The following STRA6 variants were observed in gnomAD, a reference collection of about 807,000 sequenced individuals.
STRA6 encodes receptor for retinol uptake STRA6.
Under a neutral mutation model 83.6 loss-of-function variants are expected in STRA6, and 48 were observed. That is an observed-to-expected ratio of 0.57 (90% CI 0.46 to 0.73). STRA6 has a LOEUF of 0.73. Ranked by LOEUF, STRA6 falls within the 30% of genes least tolerant of loss-of-function variation. The pLI, the probability that STRA6 is intolerant of heterozygous loss-of-function variation, is 0.00. For synonymous variants in STRA6, 353 were observed against 362.3 expected, an observed-to-expected ratio of 0.97 and a Z score of 0.29; for missense variants, 760 against 838.8, an observed-to-expected ratio of 0.91 and a Z score of 1.16.
chr15:74,194,476 C>T, intron 7 of STRA6: 1 of 711,520 alleles, frequency 1.4e-6, no homozygotes, highest in Non-Finnish European at 1.8e-6. Context: ...CCTCTCAAAG[C>T]AACCTCTTAG....
intron 12 of STRA6, among the ~76,000 whole-genome samples, chr15:74,185,623 C>T (rs993555927): frequency 6.6e-6 from 1 of 152,216 alleles, no homozygotes; most frequent in South Asian, 2.1e-4. Flanking sequence ...TCTCCCTGGC[C>T]ATGCACACAA....
At chr15:74,184,241 A>G (rs1298950714) in intron 13 of STRA6, among the ~76,000 whole-genome samples, 1 of 152,262 alleles carries the variant, frequency 6.6e-6, no homozygotes, top group Non-Finnish European at 1.5e-5. Flanking sequence ...GCCAAGTCAG[A>G]AAAGTGAGAA....
Position 74,193,939 on chromosome 15 carries a change from CCAGA to C in STRA6, c.598-21_598-18del, listed in dbSNP as rs760603598. 2.4e-5 allele frequency: 39 copies of C among 1,611,926 alleles called. No individual in the cohort carries two copies. In the South Asian group the frequency reaches 4.1e-4, roughly 17 times the overall value. Reference sequence around the variant, plus strand: ...CTTGTAGATCTGGACAGACAAACACCCAGACAGACTACTTTCCACCTTCTTCCCC... The same window carrying C: ...CTTGTAGATCTGGACAGACAAACACCCAGACTACTTTCCACCTTCTTCCCC... On this transcript the variant is annotated intron_variant, in intron 7 of 18. Transcript: ENST00000395105.
intron 16 of STRA6, 31 bp from the exon 17 acceptor site, chr15:74,181,489 C>G: frequency 1.2e-6 from 2 of 1,609,706 alleles, no homozygotes; most frequent in East Asian, 2.2e-5. Context: ...TGAGGCAGGC[C>G]GTTCCCCAGA....
chr15:74,183,546 G>T lies in STRA6; in HGVS notation c.1300+310C>A, dbSNP rs867986695. On this transcript the variant is annotated intron_variant, in intron 14 of 18. Coordinates refer to ENST00000395105, the MANE Select transcript of STRA6 (RefSeq NM_022369.4). ...GGTGTGAGCCACTGAGCCCAGCCAG[G>T]AATGTACCATTTTGAATTTGACACC... 9.8e-6 allele frequency: 12 copies of T among 1,226,122 alleles called. No individual in the cohort carries two copies. In the Middle Eastern group the frequency reaches 2.1e-3, roughly 216 times the overall value. 76.0% of individuals were successfully genotyped at this position (1,226,122 alleles called of 1,614,324 possible).
chr15:74,209,292 C>T, upstream of STRA6: 1 of 1,389,790 alleles, frequency 7.2e-7, no homozygotes, highest in Admixed American at 2.0e-5. Context: ...GAGAAGCCTG[C>T]ACAGGGCTTT....
chr15:74,184,265 T>G (rs2073133579), intron 13 of STRA6, among the ~76,000 whole-genome samples: 1 of 152,106 alleles, frequency 6.6e-6, no homozygotes, highest in South Asian at 2.1e-4. Context: ...ACAGTGAGAA[T>G]GGAAGTGACA....
chr15:74,203,458 G>A (rs2074174599), upstream of STRA6, among the ~76,000 whole-genome samples: 1 of 152,234 alleles, frequency 6.6e-6, no homozygotes, highest in African/African-American at 2.4e-5. Context: ...GGCAGAAGAA[G>A]GTAGAAAGCA....
In STRA6 at chr15:74,190,889, G is replaced by A. The variant is rs118203958; in HGVS notation, c.878C>T (p.Pro293Leu). 9 of 1,613,930 alleles carry A rather than the reference G, an allele frequency of 5.6e-6. No individual in the cohort carries two copies. Among genetic ancestry groups the A allele is most frequent in the South Asian group, 1.1e-5 (1 of 91,074 alleles). ...TGTAGCTGAAAGCACCAGCTTCAGC[G>A]GGAGATGGAATCCTGTAGTCCTCAA... ...IYTPQPGFHL[P>L]LKLVLSATLT... The change falls in exon 11 of 19, where the codon CCG becomes CTG. Residue 293 changes from proline to leucine, a missense_variant. By Grantham distance (98) the Pro-to-Leu change is moderately conservative (BLOSUM62 -3). Transcript: ENST00000395105.
rs2072888506 is a variant in STRA6 at position 74,179,880 on chromosome 15, C to T, written c.*200G>A. The T allele has an allele frequency of 3.0e-6, 2 of 669,630 alleles. No individual in the cohort carries two copies. Among genetic ancestry groups the T allele is most frequent in the Non-Finnish European group, 2.5e-6 (1 of 407,124 alleles). The allele number at this position is 669,630 out of a possible 1,614,324, so 41.5% of individuals were successfully genotyped here. A position where few individuals can be genotyped will look rare whatever the true frequency, so the allele number is the denominator to read the frequency against. On this transcript the variant is annotated 3_prime_UTR_variant, in exon 19 of 19. Transcript: ENST00000395105. ...TTTCTTTCTCCAGAACCCCTGCTGGCTCTCCCATAGCCAAGTGGGTGGAGC... is the reference window on the plus strand; with the variant it reads ...TTTCTTTCTCCAGAACCCCTGCTGGTTCTCCCATAGCCAAGTGGGTGGAGC...
In STRA6 at chr15:74,196,122, T is replaced by C. The variant is rs2073808447; in HGVS notation, c.292A>G (p.Arg98Gly). ...PSPVDFLAGD[R>G]PRAVPAAVFM... The stretch of plus-strand genomic sequence containing the variant: ...ACAGCAGCAGGCACTGCCCGGGGCC[T>C]GTCCCCAGCCAAGAAATCCACAGGG... The change falls in exon 5 of 19, where the codon AGG becomes GGG. Residue 98 changes from arginine (R) to glycine (G), a missense_variant. Arg to Gly is a moderately radical substitution (Grantham distance 125). Transcript: ENST00000395105. 6.2e-7 allele frequency: 1 copy of C among 1,613,928 alleles called. No homozygotes were observed.
rs572489515 is a variant in STRA6, at chr15:74,190,893, G to A, written c.874C>T (p.Leu292Phe). 6.2e-7 allele frequency: 1 copy of A among 1,614,110 alleles called. No individual in the cohort carries two copies. The highest frequency in any genetic ancestry group is 2.2e-5 in the East Asian group (1 of 44,884). The change falls in exon 11 of 19, where the codon CTC (leucine) becomes TTC (phenylalanine). Residue 292 changes from leucine (L) to phenylalanine (F), a missense_variant. Leu to Phe is a conservative substitution (Grantham distance 22, BLOSUM62 0). Coordinates refer to ENST00000395105, the MANE Select transcript of STRA6 (RefSeq NM_022369.4). Reference protein sequence around the residue: ...CIYTPQPGFHLPLKLVLSATL... With the variant: ...CIYTPQPGFHFPLKLVLSATL... ...GCTGAAAGCACCAGCTTCAGCGGGAGATGGAATCCTGTAGTCCTCAAAGGA... is the reference window on the plus strand; with the variant it reads ...GCTGAAAGCACCAGCTTCAGCGGGAAATGGAATCCTGTAGTCCTCAAAGGA...
chr15:74,209,526 G>C, upstream of STRA6: 1 of 1,273,190 alleles, frequency 7.9e-7, no homozygotes, highest in South Asian at 1.4e-5. Flanking sequence ...TTCAGGGCTG[G>C]AATTCCAGGT....
In STRA6 at chr15:74,181,301, C is replaced by G. The variant is rs397514638; in HGVS notation, c.1678G>C (p.Asp560His). 6.2e-7 allele frequency: 1 copy of G among 1,612,946 alleles called. No homozygotes were observed. ...CCCCGCCCAGTGACCTTACCGGGGT[C>G]GAGAGTGGCGGCTCTCGGTGGCAGC... ...SLLPPRAATL[D>H]PGYYTYRNFL... is the part of the protein sequence containing the mutation. Residue 560 changes from aspartate to histidine, a missense_variant, in exon 17 of 19, where the codon GAC becomes CAC. Physicochemically the swap from Asp to His is moderately conservative, Grantham distance 81. Transcript: ENST00000395105.
At chr15:74,186,531 C>T (rs368451811) in intron 12 of STRA6, among the ~76,000 whole-genome samples, 15 of 152,238 alleles carry the variant, frequency 9.9e-5, no homozygotes, top group African/African-American at 3.4e-4. Context: ...TCACTTGAAC[C>T]TGAGAGACGG....
At position 74,181,402 on chromosome 15, in the gene STRA6, G is replaced by A. The variant is rs770108092; in HGVS notation, c.1577C>T (p.Ala526Val). The A allele has an allele frequency of 2.5e-6, 4 of 1,613,372 alleles. No homozygotes were observed. Among genetic ancestry groups the A allele is most frequent in the Non-Finnish European group, 2.5e-6 (3 of 1,179,706 alleles). ...LLFPLNVLVGAMVATWRVLLS... is the reference protein window; with the variant it reads ...LLFPLNVLVGVMVATWRVLLS... ...GAGCACTCGCCAGGTGGCCACCATGGCACCCACCAGCACATTGAGGGGGAA... is the reference window on the plus strand; with the variant it reads ...GAGCACTCGCCAGGTGGCCACCATGACACCCACCAGCACATTGAGGGGGAA... The change falls in exon 17 of 19, where the codon GCC becomes GTC. Residue 526 changes from alanine to valine, a missense_variant. By Grantham distance (64) the Ala-to-Val change is moderately conservative (BLOSUM62 0). Coordinates refer to ENST00000395105, the MANE Select transcript of STRA6 (RefSeq NM_022369.4).
At chr15:74,191,539 A>G in intron 8 of STRA6, 48 bp from the exon 9 acceptor site, 3 of 1,540,396 alleles carry the variant, frequency 1.9e-6, no homozygotes, top group Non-Finnish European at 2.7e-6. Context: ...GCCTCGACCC[A>G]TTCGTGGGTC....
chr15:74,202,487 G>C lies in STRA6; in HGVS notation c.-15-205C>G, dbSNP rs973639705. 11 of 1,534,274 alleles carry C rather than the reference G, an allele frequency of 7.2e-6. 1 individual carries two copies. The East Asian group carries it at 1.7e-4, about 24-fold the overall frequency. ...CAAGCTGGCACGGGAAGAGGACAGG[G>C]CCTCTCGTGTCCCCTCCTCCCTTCC... On this transcript the variant is annotated intron_variant, in intron 1 of 18. Coordinates refer to ENST00000395105, the MANE Select transcript of STRA6 (RefSeq NM_022369.4).
In STRA6 at chr15:74,179,655, G is replaced by A. The variant is rs1407812601; in HGVS notation, c.*425C>T. Reference sequence around the variant, plus strand: ...TTCCGGCCACTCCCCAGAGAGGTCCGTGGCGCTGAGGGGGTGAGGAAGTGC... The same window carrying A: ...TTCCGGCCACTCCCCAGAGAGGTCCATGGCGCTGAGGGGGTGAGGAAGTGC... On this transcript the variant is annotated 3_prime_UTR_variant, in exon 19 of 19. Transcript: ENST00000395105. 1.1e-5 allele frequency: 2 copies of A among 175,302 alleles called. No individual in the cohort carries two copies. Among genetic ancestry groups the A allele is most frequent in the Non-Finnish European group, 1.2e-5 (1 of 81,838 alleles). The allele number at this position is 175,302 out of a possible 1,614,324, so 10.9% of individuals were successfully genotyped here. A position where few individuals can be genotyped will look rare whatever the true frequency, so the allele number is the denominator to read the frequency against.
Sources: gnomAD v4.1 joint callset for allele counts (sites outside exome capture counted in the v4.1 genomes callset) on GRCh38, gnomAD v4.1.1 for gene constraint, MANE v1.5 for transcripts, NCBI Gene and HGNC (gene_info 2026-07-23, HGNC 2026-07-21) for gene names.